GSE1: variants seen among roughly 807,000 people sequenced by gnomAD.
The protein encoded by GSE1 is genetic suppressor element 1.
GSE1 carries 32 observed loss-of-function variants against 112.6 expected under a neutral mutation model. That is an observed-to-expected ratio of 0.28 (90% CI 0.21 to 0.38). GSE1 has a LOEUF of 0.38. Ranked by LOEUF, GSE1 falls within the 10% of genes least tolerant of loss-of-function variation. GSE1 has a pLI of 1.00. For missense variants in GSE1, 2,348 were observed against 1,699.2 expected (o/e 1.38, Z -6.71); for synonymous variants, 1,115 against 735.6 (o/e 1.52, Z -8.35).
chr16:85,360,371 TG>T (rs2047038709), intron 2 of GSE1, among the ~76,000 whole-genome samples: 1 of 151,434 alleles, frequency 6.6e-6, no homozygotes, highest in Non-Finnish European at 1.5e-5. Flanking sequence ...TGCGGCCGGG[TG>T]GGGGCAGGTG....
At chr16:85,197,454 C>T (rs976408396) in intron 1 of GSE1, among the ~76,000 whole-genome samples, 5 of 152,186 alleles carry the variant, frequency 3.3e-5, no homozygotes, top group African/African-American at 7.2e-5. Context: ...ATTCCTGTTC[C>T]AGCATAACAC....
intron 2 of GSE1, among the ~76,000 whole-genome samples, chr16:85,416,145 A>G (rs2048697822): frequency 6.6e-6 from 1 of 152,222 alleles, no homozygotes; most frequent in Non-Finnish European, 1.5e-5. Flanking sequence ...AGGGATTTAG[A>G]TGCCGATCCA....
chr16:85,367,675 C>T (rs904137337), intron 2 of GSE1, among the ~76,000 whole-genome samples: 2 of 152,168 alleles, frequency 1.3e-5, no homozygotes, highest in Non-Finnish European at 2.9e-5. Context: ...CTTACCCTCA[C>T]CATGAAGGCG....
At chr16:85,506,541 G>A (rs1168907881) in intron 2 of GSE1, among the ~76,000 whole-genome samples, 2 of 152,112 alleles carry the variant, frequency 1.3e-5, no homozygotes, top group Non-Finnish European at 2.9e-5. Flanking sequence ...GGGAGCTTCT[G>A]GAGTGGCTAG....
intron 2 of GSE1, among the ~76,000 whole-genome samples, chr16:85,487,470 AG>A (rs2050878028): frequency 6.6e-6 from 1 of 152,146 alleles, no homozygotes; most frequent in African/African-American, 2.4e-5. Context: ...ATAAACACTG[AG>A]GCCTCGTTAT....
chr16:85,382,260 C>T (rs1320588529), intron 2 of GSE1, among the ~76,000 whole-genome samples: 1 of 152,206 alleles, frequency 6.6e-6, no homozygotes, highest in Non-Finnish European at 1.5e-5. Context: ...CCGCCCTTAT[C>T]TCAGTGTCTG....
At chr16:85,629,096 T>G (rs2151705818) in intron 1 of GSE1, among the ~76,000 whole-genome samples, 1 of 152,344 alleles carries the variant, frequency 6.6e-6, no homozygotes, top group Non-Finnish European at 1.5e-5. Context: ...CTGGATGTGC[T>G]GGCTTCCCTC....
At chr16:85,345,084 C>G (rs1172875481) in intron 1 of GSE1, among the ~76,000 whole-genome samples, 1 of 151,380 alleles carries the variant, frequency 6.6e-6, no homozygotes, top group African/African-American at 2.4e-5. Flanking sequence ...ACCTCCCACC[C>G]CCTCCTAAAC....
At position 85,384,225 on chromosome 16, in the gene GSE1, C is replaced by T. The variant is rs147450959; in HGVS notation, c.2464+26582C>T. Reference sequence around the variant, plus strand: ...AGCCCAGGCTTCCTGATGGGGGCCCCGAGACCCTCTCCGAGAGGAGCAAGA... The same window carrying T: ...AGCCCAGGCTTCCTGATGGGGGCCCTGAGACCCTCTCCGAGAGGAGCAAGA... On this transcript the variant is annotated intron_variant, in intron 2 of 2. Transcript: ENST00000637419. 1.5e-4 allele frequency among the ~76,000 whole-genome samples: 23 copies of T among 152,272 alleles called. No individual in the cohort carries two copies. In the East Asian group the frequency reaches 2.9e-3, roughly 19 times the overall value.
chr16:85,246,356 C>T (rs1385690418), intron 1 of GSE1, among the ~76,000 whole-genome samples: 2 of 137,788 alleles, frequency 1.5e-5, no homozygotes, highest in Non-Finnish European at 3.2e-5. Flanking sequence ...TCTACACACA[C>T]ACACACACAC....
At chr16:85,621,016 T>G (rs2048702016) in intron 1 of GSE1, among the ~76,000 whole-genome samples, 1 of 151,720 alleles carries the variant, frequency 6.6e-6, no homozygotes, top group African/African-American at 2.4e-5. Context: ...GGAATCCGTT[T>G]AGATGGTCTC....
chr16:85,499,290 G>C (rs1013168599), intron 2 of GSE1, among the ~76,000 whole-genome samples: 3 of 135,312 alleles, frequency 2.2e-5, no homozygotes, highest in Non-Finnish European at 4.7e-5. Flanking sequence ...AGGCAGGAAA[G>C]TCACCTTTTT....
chr16:85,357,649 C>A, intron 2 of GSE1: 1 of 1,287,662 alleles, frequency 7.8e-7, no homozygotes. Flanking sequence ...TGCAGGTAGA[C>A]GCCAGCTCTT....
intron 1 of GSE1, among the ~76,000 whole-genome samples, chr16:85,307,591 G>T (rs1341376601): frequency 8.0e-6 from 1 of 124,428 alleles, no homozygotes; most frequent in Non-Finnish European, 1.7e-5. Context: ...AACTCCTCAT[G>T]ACAACAGCGT....
At chr16:85,325,223 T>C (rs1398590764) in intron 1 of GSE1, among the ~76,000 whole-genome samples, 1 of 151,972 alleles carries the variant, frequency 6.6e-6, no homozygotes, top group Non-Finnish European at 1.5e-5. Context: ...CCCACCTCAG[T>C]CTCTCAAAGT....
At chr16:85,498,810 G>A (rs991712394) in intron 2 of GSE1, among the ~76,000 whole-genome samples, 6 of 152,352 alleles carry the variant, frequency 3.9e-5, no homozygotes, top group South Asian at 4.1e-4. Flanking sequence ...CCTCACTTGG[G>A]CTCCAGTTGA....
intron 2 of GSE1, among the ~76,000 whole-genome samples, chr16:85,399,650 T>C (rs1485842226): frequency 6.6e-6 from 1 of 152,226 alleles, no homozygotes; most frequent in Middle Eastern, 3.2e-3. Context: ...CCTCAGCACA[T>C]GTTTATTGAG....
At position 85,562,916 on chromosome 16, in the gene GSE1, C is replaced by T. The variant is rs982341011; in HGVS notation, c.37+6553C>T. Among the ~76,000 whole-genome samples the T allele has an allele frequency of 4.6e-5, 7 of 152,308 alleles. No individual in the cohort carries two copies. The South Asian group carries it at 6.2e-4, about 14-fold the overall frequency. On this transcript the variant is annotated intron_variant, in intron 1 of 2. Coordinates refer to the GSE1 transcript ENST00000635906. ...GGCAGCCTCTCCATCAACCAGGCTGCGTCCTGTCATACTCTTTGTGGGAAA... is the reference window on the plus strand; with the variant it reads ...GGCAGCCTCTCCATCAACCAGGCTGTGTCCTGTCATACTCTTTGTGGGAAA...
intron 8 of GSE1, 122 bp from the exon 9 acceptor site, chr16:85,661,024 G>A (rs759318462): frequency 1.2e-6 from 1 of 816,846 alleles, no homozygotes; most frequent in East Asian, 2.5e-5. Flanking sequence ...AGCCCTGTTG[G>A]CACTGGCTCT....
Sources: allele counts gnomAD v4.1 joint callset (sites outside exome capture counted in the v4.1 genomes callset), GRCh38; gene constraint gnomAD v4.1.1; transcripts MANE v1.5; gene names NCBI Gene and HGNC (gene_info 2026-07-23, HGNC 2026-07-21).